KCNMA1: variants seen among roughly 807,000 people sequenced by gnomAD.
KCNMA1 encodes the protein potassium calcium-activated channel subfamily M alpha 1, also known as Calcium-activated potassium channel subunit alpha-1.
Under a neutral mutation model 140.0 loss-of-function variants are expected in KCNMA1, and 29 were observed. The observed-to-expected ratio is 0.21, with a 90% CI of 0.15 to 0.28. The LOEUF is 0.28. KCNMA1 is among the 10% of genes least tolerant of loss of function. The pLI is 1.00. For missense variants in KCNMA1, 880 were observed against 1,602.2 expected (o/e 0.55, Z 7.70); for synonymous variants, 612 against 611.9 (o/e 1.00, Z 0.00).
intron 1 of KCNMA1, among the ~76,000 whole-genome samples, chr10:77,473,380 G>T (rs2098209932): frequency 6.6e-6 from 1 of 152,192 alleles, no homozygotes; most frequent in Non-Finnish European, 1.5e-5. Context: ...TGAACTGGGG[G>T]CCCCAGCCTG....
intron 17 of KCNMA1, 26 bp downstream of exon 17, chr10:77,018,987 A>C (rs754092803): frequency 5.2e-6 from 7 of 1,350,496 alleles, no homozygotes; most frequent in Non-Finnish European, 7.4e-6. Flanking sequence ...GGCCAGAAAG[A>C]AAGCCAGTTG....
chr10:77,448,064 G>C (rs1272231561), intron 1 of KCNMA1, among the ~76,000 whole-genome samples: 2 of 152,142 alleles, frequency 1.3e-5, no homozygotes, highest in African/African-American at 2.4e-5. Flanking sequence ...TCTCTCAACT[G>C]ATTGTTTTCT....
chr10:76,953,986 C>T (rs2067217824), intron 20 of KCNMA1, 62 bp from the exon 21 acceptor site: 8 of 1,558,328 alleles, frequency 5.1e-6, no homozygotes, highest in Non-Finnish European at 4.4e-6. Context: ...ATGGAAAGTG[C>T]CCCCTGAATT....
intron 18 of KCNMA1, among the ~76,000 whole-genome samples, chr10:77,004,117 A>T (rs890994947): frequency 6.6e-6 from 1 of 152,108 alleles, no homozygotes; most frequent in Non-Finnish European, 1.5e-5. Context: ...CATATGCATA[A>T]AAAAGAAAAC....
intron 2 of KCNMA1, among the ~76,000 whole-genome samples, chr10:77,319,036 T>A (rs1363377988): frequency 2.0e-5 from 3 of 151,940 alleles, no homozygotes; most frequent in Admixed American, 2.0e-4. Flanking sequence ...GAGGCCAGAG[T>A]AGTTTTGGGC....
At chr10:77,272,892 A>G (rs2065565838) in intron 2 of KCNMA1, among the ~76,000 whole-genome samples, 1 of 152,168 alleles carries the variant, frequency 6.6e-6, no homozygotes, top group Non-Finnish European at 1.5e-5. Flanking sequence ...ACACATTTCT[A>G]TTGCAAATGA....
At position 77,184,831 on chromosome 10, in the gene KCNMA1, C is replaced by T. The variant is rs745800907; in HGVS notation, c.688G>A (p.Gly230Ser). 4 of 1,604,420 alleles carry T rather than the reference C, an allele frequency of 2.5e-6. No individual in the cohort carries two copies. The highest frequency in any genetic ancestry group is 3.4e-6 in the Non-Finnish European group (4 of 1,171,620). The change falls in exon 4 of 28, where the codon GGC becomes AGC. Residue 230 changes from glycine to serine, a missense_variant. By Grantham distance (56) the Gly-to-Ser change is moderately conservative. Coordinates refer to ENST00000286628, the MANE Select transcript of KCNMA1 (RefSeq NM_001161352.2). ...ATGTTGCACAAACTTACCCGCAAGC[C>T]GAAGTAGAGAAGGAAGAACACGTTG... ...AFNVFFLLYF[G>S]LRFIAANDKL...
intron 5 of KCNMA1, among the ~76,000 whole-genome samples, chr10:77,137,046 G>C (rs1234751026): frequency 6.6e-6 from 1 of 152,126 alleles, no homozygotes; most frequent in Non-Finnish European, 1.5e-5. Flanking sequence ...GACAGATTAA[G>C]GGATCTTGAA....
chr10:77,121,292 T>C (rs1377414873), intron 5 of KCNMA1, among the ~76,000 whole-genome samples: 1 of 152,164 alleles, frequency 6.6e-6, no homozygotes, highest in Non-Finnish European at 1.5e-5. Flanking sequence ...GAAGGGCTCA[T>C]GGGGAGAAGC....
chr10:76,878,464 C>T (rs1376424762), intron 29 of KCNMA1, among the ~76,000 whole-genome samples: 4 of 152,102 alleles, frequency 2.6e-5, no homozygotes, highest in Non-Finnish European at 5.9e-5. Flanking sequence ...TTTGGGGGGT[C>T]TAAACTAAAC....
At chr10:77,376,019 A>G (rs929462246) in intron 2 of KCNMA1, among the ~76,000 whole-genome samples, 2 of 152,168 alleles carry the variant, frequency 1.3e-5, no homozygotes, top group African/African-American at 4.8e-5. Context: ...CCTGCAATGA[A>G]CTTGGTATTT....
intron 2 of KCNMA1, among the ~76,000 whole-genome samples, chr10:77,295,905 C>A (rs2074976537): frequency 7.1e-6 from 1 of 141,778 alleles, no homozygotes; most frequent in African/African-American, 2.6e-5. Flanking sequence ...AACAAATTAA[C>A]TTTTTTTTAT....
intron 19 of KCNMA1, among the ~76,000 whole-genome samples, chr10:76,995,122 C>T (rs1002159347): frequency 6.6e-5 from 10 of 152,152 alleles, no homozygotes; most frequent in South Asian, 2.1e-4. Flanking sequence ...ATCCTGAATG[C>T]GGGCTGGGGG....
intron 1 of KCNMA1, among the ~76,000 whole-genome samples, chr10:77,440,975 T>C (rs2097384720): frequency 6.6e-6 from 1 of 150,564 alleles, no homozygotes; most frequent in Admixed American, 6.6e-5. Flanking sequence ...CCAGCCACCA[T>C]GCCTGGCTAA....
intron 19 of KCNMA1, chr10:76,974,454 TA>T: frequency 7.5e-7 from 1 of 1,341,176 alleles, no homozygotes; most frequent in Non-Finnish European, 1.0e-6. Context: ...GGGTAGTTAT[TA>T]AAAATGGGAA....
At chr10:76,877,611 C>T (rs183124986), downstream of KCNMA1, 33 of 810,834 alleles carry the variant, frequency 4.1e-5, no homozygotes, top group Admixed American at 6.5e-4. Context: ...GATCTGTCTA[C>T]TTTATTTTCT....
intron 2 of KCNMA1, among the ~76,000 whole-genome samples, chr10:77,336,733 G>C (rs559874692): frequency 6.6e-6 from 1 of 152,200 alleles, no homozygotes; most frequent in Non-Finnish European, 1.5e-5. Flanking sequence ...GAATTCGGCA[G>C]GTCCAGCTCA....
At chr10:77,246,113 G>T (rs2058489069) in intron 3 of KCNMA1, among the ~76,000 whole-genome samples, 1 of 152,208 alleles carries the variant, frequency 6.6e-6, no homozygotes, top group Non-Finnish European at 1.5e-5. Flanking sequence ...ATGAGGTGAT[G>T]CAACTTCCCA....
chr10:77,044,156 C>A (rs1314804327), intron 14 of KCNMA1, among the ~76,000 whole-genome samples: 1 of 152,066 alleles, frequency 6.6e-6, no homozygotes, highest in Non-Finnish European at 1.5e-5. Flanking sequence ...GGAGTGAGAA[C>A]CCAGAGTCAT....
Sources: allele counts gnomAD v4.1 joint callset (sites outside exome capture counted in the v4.1 genomes callset), GRCh38; gene constraint gnomAD v4.1.1; transcripts MANE v1.5; gene names NCBI Gene and HGNC (gene_info 2026-07-23, HGNC 2026-07-21).